Variants in MELK observed in about 807,000 individuals in gnomAD.
MELK encodes the protein maternal embryonic leucine zipper kinase.
Under a neutral mutation model 85.0 loss-of-function variants are expected in MELK, and 81 were observed. The observed-to-expected ratio is 0.95, with a 90% CI of 0.80 to 1.15. MELK has a LOEUF of 1.15. Ranked by LOEUF, MELK falls within the 50% of genes most tolerant of loss-of-function variation. The pLI is 0.00. For synonymous variants in MELK, 252 were observed against 265.0 expected, an observed-to-expected ratio of 0.95 and a Z score of 0.48; for missense variants, 754 against 777.5, an observed-to-expected ratio of 0.97 and a Z score of 0.36.
rs186747874 is a variant in MELK, at chr9:36,630,254, C to T, written c.667-45C>T. ...ATGTTATTACCTAAGGAATTTGTGT[C>T]AAGGCTGATTGAACCTGAATCTCTT... is the stretch of plus-strand genomic sequence containing the variant. On this transcript the variant is annotated intron_variant, in intron 8 of 17. Coordinates refer to ENST00000298048, the MANE Select transcript of MELK (RefSeq NM_014791.4). The T allele has an allele frequency of 2.0e-4, 287 of 1,454,360 alleles. 2 individuals are homozygous for T. The East Asian group carries it at 6.3e-3, about 32-fold the overall frequency. The allele number at this position is 1,454,360 out of a possible 1,614,324, so 90.1% of individuals were successfully genotyped here.
intron 17 of MELK, 83 bp from the exon 18 acceptor site, chr9:36,677,077 C>T: frequency 8.5e-7 from 1 of 1,175,596 alleles, no homozygotes; most frequent in Non-Finnish European, 1.2e-6. Context: ...TTCATTTCCT[C>T]CACTGGCCTC....
chr9:36,636,728 A>ATTTCTTTCTTTCTT (rs1829181838), intron 10 of MELK, among the ~76,000 whole-genome samples: 1 of 100,932 alleles, frequency 9.9e-6, no homozygotes, highest in Non-Finnish European at 2.0e-5. Flanking sequence ...TAGCAACTGG[A>ATTTCTTTCTTTCTT]TTTCTTTCTT....
chr9:36,588,880 C>T (rs531016072), intron 3 of MELK, among the ~76,000 whole-genome samples: 16 of 152,236 alleles, frequency 1.1e-4, no homozygotes, highest in African/African-American at 3.8e-4. Flanking sequence ...TGGTTTTTTG[C>T]TCAGCATGCT....
At chr9:36,579,369 G>A (rs1401694339) in intron 1 of MELK, among the ~76,000 whole-genome samples, 1 of 151,948 alleles carries the variant, frequency 6.6e-6, no homozygotes, top group Admixed American at 6.6e-5. Flanking sequence ...TTACTATGTT[G>A]GCCAGGCTGG....
intron 10 of MELK, among the ~76,000 whole-genome samples, chr9:36,639,693 T>C (rs959304173): frequency 6.6e-6 from 1 of 152,174 alleles, no homozygotes; most frequent in Non-Finnish European, 1.5e-5. Flanking sequence ...TTTTAGACCC[T>C]TGGTATCTTT....
intron 8 of MELK, among the ~76,000 whole-genome samples, chr9:36,614,124 T>G (rs1826308368): frequency 6.9e-6 from 1 of 144,830 alleles, no homozygotes. Flanking sequence ...TGAGACAGAG[T>G]CTCGCCCTGT....
At chr9:36,669,476 T>G in intron 15 of MELK, 70 bp downstream of exon 15, 1 of 1,054,300 alleles carries the variant, frequency 9.5e-7, no homozygotes, top group Non-Finnish European at 1.4e-6. Context: ...CATGTATTAA[T>G]AGACCTGATT....
chr9:36,673,006 A>G (rs1833019124), intron 16 of MELK, among the ~76,000 whole-genome samples: 1 of 152,190 alleles, frequency 6.6e-6, no homozygotes, highest in Non-Finnish European at 1.5e-5. Flanking sequence ...AAAACTATAC[A>G]CTTACCGGAA....
intron 14 of MELK, 34 bp from the exon 15 acceptor site, chr9:36,669,276 T>C: frequency 7.2e-7 from 1 of 1,386,838 alleles, no homozygotes; most frequent in South Asian, 1.3e-5. Context: ...TAGTATGTGC[T>C]GCATATGGAT....
At position 36,677,648 on chromosome 9, in the gene MELK, A is replaced by G. The variant is rs189562435; in HGVS notation, c.*311A>G. The G allele has an allele frequency of 9.6e-4, 180 of 186,600 alleles. 1 individual carries two copies. The highest frequency in any genetic ancestry group is 4.0e-3 in the Admixed American group (65 of 16,330). The allele number at this position is 186,600 out of a possible 1,614,324, so 11.6% of individuals were successfully genotyped here. On this transcript the variant is annotated 3_prime_UTR_variant, in exon 18 of 18. Transcript: ENST00000298048. ...TTAACTATGTCTCTTTGTAATGTGT[A>G]ATTTCTTTCTGAAATAAAACCATTT... is the stretch of plus-strand genomic sequence containing the variant.
intron 8 of MELK, among the ~76,000 whole-genome samples, chr9:36,625,782 A>G (rs1278907486): frequency 1.3e-5 from 2 of 152,008 alleles, no homozygotes; most frequent in African/African-American, 2.4e-5. Flanking sequence ...TTAGCCAGTC[A>G]TGGTGGTGCA....
At chr9:36,631,559 C>A (rs965817677) in intron 9 of MELK, among the ~76,000 whole-genome samples, 1 of 151,720 alleles carries the variant, frequency 6.6e-6, no homozygotes, top group South Asian at 2.1e-4. Context: ...AGCCACCGCA[C>A]CCAGCCTGGC....
intron 16 of MELK, 55 bp downstream of exon 16, chr9:36,671,221 C>T: frequency 4.2e-6 from 6 of 1,432,370 alleles, no homozygotes; most frequent in South Asian, 1.7e-5. Context: ...TAATGGACTG[C>T]CTTTTTTTTT....
chr9:36,643,588 G>A (rs1379913926), intron 11 of MELK, among the ~76,000 whole-genome samples: 1 of 151,996 alleles, frequency 6.6e-6, no homozygotes, highest in African/African-American at 2.4e-5. Context: ...CTTTAAAAAT[G>A]AACACTCCAT....
rs1350748600 is a variant in MELK, at chr9:36,633,155, C to G, written c.789C>G (p.Ile263Met). 3.3e-5 allele frequency: 53 copies of G among 1,610,338 alleles called. No individual in the cohort carries two copies. The highest frequency in any genetic ancestry group is 4.5e-5 in the Non-Finnish European group (53 of 1,179,322). Residue 263 changes from isoleucine (I) to methionine (M), a missense_variant, in exon 10 of 18, where the codon ATC (isoleucine) becomes ATG (methionine). Ile to Met is a conservative substitution (Grantham distance 10, BLOSUM62 1). Coordinates refer to ENST00000298048, the MANE Select transcript of MELK (RefSeq NM_014791.4). ...AAAATCTATTGAACCATCCCTGGATCATGCAAGATTACAACTATCCTGTTG... is the reference window on the plus strand; with the variant it reads ...AAAATCTATTGAACCATCCCTGGATGATGCAAGATTACAACTATCCTGTTG... ...SMKNLLNHPW[I>M]MQDYNYPVEW...
chr9:36,628,490 G>A (rs1397535613), intron 8 of MELK, among the ~76,000 whole-genome samples: 2 of 152,004 alleles, frequency 1.3e-5, no homozygotes, highest in Non-Finnish European at 2.9e-5. Context: ...CGTAATCTCA[G>A]CTCACTGCGA....
intron 1 of MELK, among the ~76,000 whole-genome samples, chr9:36,580,100 T>C (rs1280670119): frequency 1.3e-5 from 2 of 148,986 alleles, no homozygotes; most frequent in Non-Finnish European, 3.0e-5. Context: ...CAGGCTGGAG[T>C]GCAGTGGCGT....
At chr9:36,619,347 A>G (rs1827174841) in intron 8 of MELK, among the ~76,000 whole-genome samples, 1 of 152,178 alleles carries the variant, frequency 6.6e-6, no homozygotes, top group African/African-American at 2.4e-5. Context: ...GGATTATTCT[A>G]CCTGGAAATT....
intron 13 of MELK, 99 bp from the exon 14 acceptor site, chr9:36,665,250 TA>T: frequency 2.9e-6 from 2 of 683,898 alleles, no homozygotes; most frequent in Non-Finnish European, 5.0e-6. Context: ...TTCATTTTAA[TA>T]AAAATAGTAC....
Sources: allele counts gnomAD v4.1 joint callset (sites outside exome capture counted in the v4.1 genomes callset), GRCh38; gene constraint gnomAD v4.1.1; transcripts MANE v1.5; gene names NCBI Gene and HGNC (gene_info 2026-07-23, HGNC 2026-07-21).